SPHKAP: variants seen among roughly 807,000 people sequenced by gnomAD.
SPHKAP encodes the protein A-kinase anchor protein SPHKAP.
A neutral mutation model predicts 137.5 loss-of-function variants in SPHKAP; 67 were observed. The observed-to-expected ratio is 0.49, with a 90% CI of 0.40 to 0.60. SPHKAP has a LOEUF of 0.60. SPHKAP is among the 20% of genes least tolerant of loss of function. The probability of loss-of-function intolerance (pLI) is 0.00; values close to 1 mark genes in which losing one functional copy is unlikely to be tolerated. For synonymous variants in SPHKAP, 813 were observed against 785.3 expected, an observed-to-expected ratio of 1.04 and a Z score of -0.59; for missense variants, 2,097 against 2,069.3, an observed-to-expected ratio of 1.01 and a Z score of -0.26.
In SPHKAP at chr2:227,995,610, G is replaced by T. The variant is rs1161988689; in HGVS notation, c.4533C>A (p.Ser1511Arg). ...RAPDEAPNPP[S>R]SSEESTGSWT... is the part of the protein sequence containing the mutation. The stretch of plus-strand genomic sequence containing the variant: ...AGCTGCCTGTGCTCTCCTCGCTGCT[G>T]CTTGGAGGGTTGGGGGCCTCATCGG... Residue 1511 changes from serine to arginine, a missense_variant, in exon 8 of 12, where the codon AGC becomes AGA. By Grantham distance (110) the Ser-to-Arg change is moderately radical. Coordinates refer to ENST00000392056, the MANE Select transcript of SPHKAP (RefSeq NM_001142644.2). 3 of 1,613,932 alleles carry T rather than the reference G, an allele frequency of 1.9e-6. No homozygotes were observed. Among genetic ancestry groups the T allele is most frequent in the Non-Finnish European group, 2.5e-6 (3 of 1,180,002 alleles).
chr2:228,021,112 G>C (rs1160636465), intron 6 of SPHKAP, among the ~76,000 whole-genome samples: 1 of 152,220 alleles, frequency 6.6e-6, no homozygotes, highest in Admixed American at 6.5e-5. Flanking sequence ...TAAAAGTGGG[G>C]AGGAGGAACG....
intron 2 of SPHKAP, among the ~76,000 whole-genome samples, chr2:228,120,562 C>T (rs531189911): frequency 1.3e-5 from 2 of 152,310 alleles, no homozygotes; most frequent in Non-Finnish European, 2.9e-5. Flanking sequence ...AGCTTCCACA[C>T]AGTCTCAGAT....
chr2:228,125,420 A>G lies in SPHKAP; in HGVS notation c.138+6560T>C, dbSNP rs184090360. On this transcript the variant is annotated intron_variant, in intron 2 of 11. Transcript: ENST00000392056. ...CTAAAAGATTATTTATTTAGAATGA[A>G]CTAATATTCATTGAGCATCAATTAT... 8.3e-4 allele frequency among the ~76,000 whole-genome samples: 127 copies of G among 152,338 alleles called. 1 individual carries two copies. The highest frequency in any genetic ancestry group is 3.0e-3 in the African/African-American group (123 of 41,578).
At chr2:228,153,862 G>A (rs994014694) in intron 1 of SPHKAP, among the ~76,000 whole-genome samples, 7 of 152,080 alleles carry the variant, frequency 4.6e-5, no homozygotes, top group Non-Finnish European at 4.4e-5. Flanking sequence ...CAGCGCCAGC[G>A]GGCTTAAAGA....
chr2:228,150,591 A>T (rs572819461), intron 1 of SPHKAP, among the ~76,000 whole-genome samples: 1 of 152,070 alleles, frequency 6.6e-6, no homozygotes, highest in African/African-American at 2.4e-5. Context: ...TATTGATAAT[A>T]CTTTTGTCTG....
At chr2:228,092,475 ATG>A (rs1160223319) in intron 3 of SPHKAP, among the ~76,000 whole-genome samples, 2 of 33,074 alleles carry the variant, frequency 6.0e-5, no homozygotes, top group Non-Finnish European at 1.1e-4. Context: ...TGCCATATAT[ATG>A]TATACATATA....
intron 6 of SPHKAP, among the ~76,000 whole-genome samples, chr2:228,020,572 C>T (rs973057146): frequency 7.9e-5 from 12 of 151,742 alleles, no homozygotes; most frequent in South Asian, 4.2e-4. Flanking sequence ...CTGTTGTTGG[C>T]GGGGGGAGTG....
At chr2:228,035,911 C>T (rs1439648434) in intron 3 of SPHKAP, among the ~76,000 whole-genome samples, 1 of 151,802 alleles carries the variant, frequency 6.6e-6, no homozygotes, top group Non-Finnish European at 1.5e-5. Flanking sequence ...ACATGTTAGA[C>T]CTAAAACCAT....
At chr2:227,994,767 T>C (rs896503563) in intron 8 of SPHKAP, among the ~76,000 whole-genome samples, 4 of 152,180 alleles carry the variant, frequency 2.6e-5, no homozygotes, top group African/African-American at 9.7e-5. Flanking sequence ...GTTTTAGAAG[T>C]TTTGACAAAC....
chr2:228,181,676 G>C lies in SPHKAP; in HGVS notation c.-78C>G, dbSNP rs1700921604. On this transcript the variant is annotated 5_prime_UTR_variant, in exon 1 of 12. Transcript: ENST00000392056. The surrounding 1 kb of genome is among the most constrained non-coding windows in gnomAD (Gnocchi z 4.3). ...CTGTGGTGCTAGGACCCAGCTCCCA[G>C]AGTGCCAGACTGGCGCGCGCCAGGA... 4 of 1,613,790 alleles carry C rather than the reference G, an allele frequency of 2.5e-6. No individual in the cohort carries two copies. Among genetic ancestry groups the C allele is most frequent in the Non-Finnish European group, 3.4e-6 (4 of 1,179,794 alleles).
At chr2:228,163,103 C>A (rs1313454700) in intron 1 of SPHKAP, among the ~76,000 whole-genome samples, 3 of 152,154 alleles carry the variant, frequency 2.0e-5, no homozygotes, top group Admixed American at 1.3e-4. Flanking sequence ...GGCTCTCAGA[C>A]AAAATCTTGC....
chr2:228,104,649 G>A lies in SPHKAP; in HGVS notation c.246+4183C>T, dbSNP rs76905302. Among the ~76,000 whole-genome samples the A allele has an allele frequency of 9.2e-5, 14 of 152,148 alleles. No individual in the cohort carries two copies. In the East Asian group the frequency reaches 1.9e-3, roughly 21 times the overall value. On this transcript the variant is annotated intron_variant, in intron 3 of 11. Coordinates refer to ENST00000392056, the MANE Select transcript of SPHKAP (RefSeq NM_001142644.2). ...GCAATATCATGTGAGGAATGTTGAAGGCTGCTTGAGAGCTTTATTTGCTTG... is the reference window on the plus strand; with the variant it reads ...GCAATATCATGTGAGGAATGTTGAAAGCTGCTTGAGAGCTTTATTTGCTTG...
At chr2:228,154,481 ACTCTCTCTCTCT>A in intron 1 of SPHKAP, among the ~76,000 whole-genome samples, 2 of 47,210 alleles carry the variant, frequency 4.2e-5, no homozygotes, top group African/African-American at 8.9e-5. Flanking sequence ...TTGTAAATAA[ACTCTCTCTCTCT>A]CTCTCTCTCT....
chr2:228,152,138 C>T (rs1490524533), intron 1 of SPHKAP, among the ~76,000 whole-genome samples: 1 of 152,178 alleles, frequency 6.6e-6, no homozygotes, highest in Non-Finnish European at 1.5e-5. Context: ...TTATTCTCCA[C>T]TATGCATGGC....
In SPHKAP at chr2:228,043,158, A is replaced by AT. The variant is rs941480130; in HGVS notation, c.247-15616dup. On this transcript the variant is annotated intron_variant, in intron 3 of 11. Transcript: ENST00000392056. ...TAGACCTGCAGACAACAGATCCTTT[A>AT]TTATTAGAGAAAAAAATATTGGATC... is the stretch of plus-strand genomic sequence containing the variant. Among the ~76,000 whole-genome samples, 14 of 152,290 alleles carry AT rather than the reference A, an allele frequency of 9.2e-5. No individual in the cohort carries two copies. In the South Asian group the frequency reaches 2.1e-3, roughly 23 times the overall value.
chr2:228,163,707 G>A (rs192560242), intron 1 of SPHKAP, among the ~76,000 whole-genome samples: 24 of 152,280 alleles, frequency 1.6e-4, no homozygotes, highest in South Asian at 2.1e-4. Context: ...CTTTGGGATA[G>A]TCTGGGTTGC....
At chr2:227,998,504 C>A (rs1333074738) in intron 7 of SPHKAP, among the ~76,000 whole-genome samples, 1 of 152,012 alleles carries the variant, frequency 6.6e-6, no homozygotes, top group African/African-American at 2.4e-5. Flanking sequence ...TTGCTATTGA[C>A]AGTAAAAACA....
At chr2:228,045,041 CG>C (rs1695986023) in intron 3 of SPHKAP, among the ~76,000 whole-genome samples, 1 of 151,734 alleles carries the variant, frequency 6.6e-6, no homozygotes, top group Non-Finnish European at 1.5e-5. Flanking sequence ...ATCAAAACCA[CG>C]ATGAGATACC....
chr2:228,143,215 T>G (rs1328022281), intron 1 of SPHKAP, among the ~76,000 whole-genome samples: 1 of 152,126 alleles, frequency 6.6e-6, no homozygotes, highest in Admixed American at 6.5e-5. Context: ...AATATTACAC[T>G]ATGTAACTAT....
Sources: gnomAD v4.1 joint callset for allele counts (sites outside exome capture counted in the v4.1 genomes callset) on GRCh38, gnomAD v4.1.1 for gene constraint, Gnocchi (gnomAD v3.1) non-coding constraint, MANE v1.5 for transcripts, NCBI Gene and HGNC (gene_info 2026-07-23, HGNC 2026-07-21) for gene names.